Variants in COL15A1 observed in about 807,000 individuals in gnomAD.
COL15A1 encodes collagen alpha-1(XV) chain.
Under a neutral mutation model 165.9 loss-of-function variants are expected in COL15A1, and 111 were observed. The observed-to-expected ratio is 0.67, with a 90% confidence interval of 0.57 to 0.78. The LOEUF is 0.78. Among genes scored for constraint, COL15A1 ranks in the 30% least tolerant of loss-of-function variants. The probability of loss-of-function intolerance (pLI) is 0.00; values close to 1 mark genes in which losing one functional copy is unlikely to be tolerated. For missense variants in COL15A1, 1,745 were observed against 1,789.7 expected (o/e 0.98, Z 0.45); for synonymous variants, 659 against 674.8 (o/e 0.98, Z 0.36).
At chr9:99,027,401 G>T (rs140074772) in intron 16 of COL15A1, among the ~76,000 whole-genome samples, 21 of 152,268 alleles carry the variant, frequency 1.4e-4, no homozygotes, top group African/African-American at 4.8e-4. Flanking sequence ...AATTTTCGTG[G>T]AAAGCTTATT....
Position 98,954,202 on chromosome 9 carries a change from G to T in COL15A1, c.100+9952G>T, listed in dbSNP as rs778040658. Among the ~76,000 whole-genome samples the T allele has an allele frequency of 2.6e-4, 38 of 146,276 alleles. No individual in the cohort carries two copies. In the Admixed American group the frequency reaches 2.7e-3, roughly 10 times the overall value. ...AGGCAGAGGGATGTGAGAAGTGTTT[G>T]TAAGAGATTCATTTTTTTCAATAAA... On this transcript the variant is annotated intron_variant, in intron 2 of 41. Coordinates refer to ENST00000375001, the MANE Select transcript of COL15A1 (RefSeq NM_001855.5).
chr9:98,962,017 A>G (rs1445976269), intron 2 of COL15A1, among the ~76,000 whole-genome samples: 5 of 152,228 alleles, frequency 3.3e-5, no homozygotes, highest in Admixed American at 3.3e-4. Context: ...GAAGGTTTCT[A>G]ACAATTGCTG....
In COL15A1 at chr9:99,038,799, G is replaced by C. The variant is rs904021070; in HGVS notation, c.2475+66G>C. On this transcript the variant is annotated intron_variant, in intron 22 of 41. Coordinates refer to ENST00000375001, the MANE Select transcript of COL15A1 (RefSeq NM_001855.5). ...GACGCCCCTGTTGAAACAAAGTCGGGTTACTTTGGAATCCTTTTAGCTCCT... is the reference window on the plus strand; with the variant it reads ...GACGCCCCTGTTGAAACAAAGTCGGCTTACTTTGGAATCCTTTTAGCTCCT... 6 of 954,552 alleles carry C rather than the reference G, an allele frequency of 6.3e-6. No individual in the cohort carries two copies. In the African/African-American group the frequency reaches 9.7e-5, roughly 15 times the overall value. The allele number at this position is 954,552 out of a possible 1,614,324, so 59.1% of individuals were successfully genotyped here.
intron 21 of COL15A1, among the ~76,000 whole-genome samples, chr9:99,037,419 G>A (rs956480301): frequency 1.6e-4 from 24 of 152,250 alleles, no homozygotes; most frequent in African/African-American, 5.8e-4. Flanking sequence ...TAGGCTCTGT[G>A]GGTATAAAGA....
chr9:98,946,122 C>A (rs1031031301), intron 2 of COL15A1, among the ~76,000 whole-genome samples: 23 of 152,186 alleles, frequency 1.5e-4, no homozygotes, highest in Non-Finnish European at 1.3e-4. Flanking sequence ...ATTTAATATC[C>A]CTAATACTTA....
intron 11 of COL15A1, among the ~76,000 whole-genome samples, chr9:99,018,619 A>G (rs1018113864): frequency 1.3e-5 from 2 of 152,246 alleles, no homozygotes; most frequent in Non-Finnish European, 2.9e-5. Flanking sequence ...GGCATAATTT[A>G]ATTAGCCAAC....
intron 16 of COL15A1, among the ~76,000 whole-genome samples, chr9:99,031,906 C>A (rs1362668879): frequency 1.3e-5 from 2 of 152,126 alleles, no homozygotes; most frequent in Non-Finnish European, 2.9e-5. Flanking sequence ...AGATGGCAAA[C>A]TTTCTGAGAC....
intron 35 of COL15A1, among the ~76,000 whole-genome samples, chr9:99,058,233 A>G (rs1236846362): frequency 6.6e-6 from 1 of 152,204 alleles, no homozygotes; most frequent in Non-Finnish European, 1.5e-5. Flanking sequence ...AAGTCCTGGG[A>G]TGGGGAAGTC....
At chr9:99,068,072 T>C (rs1825924229) in intron 40 of COL15A1, among the ~76,000 whole-genome samples, 1 of 152,222 alleles carries the variant, frequency 6.6e-6, no homozygotes, top group Admixed American at 6.5e-5. Flanking sequence ...GGATGGATTA[T>C]AAAATCAAAC....
chr9:99,052,521 A>G, intron 31 of COL15A1, 88 bp downstream of exon 31: 2 of 1,096,284 alleles, frequency 1.8e-6, no homozygotes, highest in Non-Finnish European at 2.8e-6. Context: ...GGCGCAGACT[A>G]GGTGGTCAGG....
intron 2 of COL15A1, among the ~76,000 whole-genome samples, chr9:98,978,147 G>C (rs949696811): frequency 1.3e-5 from 2 of 152,300 alleles, no homozygotes; most frequent in African/African-American, 4.8e-5. Context: ...TCCCTGTCTA[G>C]AAAACAAGGA....
chr9:98,996,283 A>C (rs770597841), intron 5 of COL15A1, among the ~76,000 whole-genome samples: 12 of 152,306 alleles, frequency 7.9e-5, no homozygotes, highest in Non-Finnish European at 1.8e-4. Context: ...GAATGCTGAC[A>C]AGCGCTGGGT....
rs1838920303 is a variant in COL15A1 at position 99,015,659 on chromosome 9, T to C, written c.1503+93T>C. On this transcript the variant is annotated intron_variant, in intron 10 of 41. Transcript: ENST00000375001. ...CATCCTTGGCCTTGGCAGGGGCACC[T>C]GTAGCTTGGTTATGAGCACATGTCT... The C allele has an allele frequency of 2.4e-6, 3 of 1,237,374 alleles. No homozygotes were observed. The South Asian group carries it at 4.1e-5, about 17-fold the overall frequency. 76.6% of individuals were successfully genotyped at this position (1,237,374 alleles called of 1,614,324 possible).
intron 26 of COL15A1, among the ~76,000 whole-genome samples, chr9:99,045,333 GT>G (rs1839476056): frequency 6.6e-6 from 1 of 152,162 alleles, no homozygotes; most frequent in South Asian, 2.1e-4. Flanking sequence ...TTTGATTCTG[GT>G]TGTGAATATG....
chr9:98,975,136 C>A (rs117027378), intron 2 of COL15A1, among the ~76,000 whole-genome samples: 3 of 152,256 alleles, frequency 2.0e-5, no homozygotes, highest in African/African-American at 7.2e-5. Flanking sequence ...CAGCCTCCCT[C>A]GCGCCTCCGT....
chr9:98,986,638 A>G (rs1177263145), intron 3 of COL15A1, among the ~76,000 whole-genome samples: 1 of 152,240 alleles, frequency 6.6e-6, no homozygotes, highest in Non-Finnish European at 1.5e-5. Context: ...ATGGGCTTTT[A>G]TGAATAAGGC....
intron 16 of COL15A1, among the ~76,000 whole-genome samples, 194 bp downstream of exon 16, chr9:99,026,160 C>T (rs1314382205): frequency 6.6e-6 from 1 of 152,190 alleles, no homozygotes; most frequent in Non-Finnish European, 1.5e-5. Flanking sequence ...ACCTTCCCTG[C>T]CCACTCTTGT....
At position 99,015,499 on chromosome 9, in the gene COL15A1, G is replaced by A. The variant is rs767034635; in HGVS notation, c.1436G>A (p.Ser479Asn). Residue 479 changes from serine (S) to asparagine (N), a missense_variant, in exon 10 of 42, where the codon AGT (serine) becomes AAT (asparagine). Physicochemically the swap from Ser to Asn is conservative, Grantham distance 46. Transcript: ENST00000375001. The part of the protein sequence containing the change: ...SLSTFEDEEA[S>N]GVPTDGLAPL... ...AGTACTTTTGAGGATGAGGAAGCCA[G>A]TGGGGTCCCCACAGATGGCCTGGCT... 6.2e-7 allele frequency: 1 copy of A among 1,613,570 alleles called. No individual in the cohort carries two copies. Among genetic ancestry groups the A allele is most frequent in the Non-Finnish European group, 8.5e-7 (1 of 1,179,760 alleles).
intron 2 of COL15A1, among the ~76,000 whole-genome samples, chr9:98,983,001 C>T (rs1838254727): frequency 6.6e-6 from 1 of 152,276 alleles, no homozygotes; most frequent in South Asian, 2.1e-4. Context: ...CTTTAATCCT[C>T]ACAACAACGC....
Sources: gnomAD v4.1 joint callset for allele counts (sites outside exome capture counted in the v4.1 genomes callset) on GRCh38, gnomAD v4.1.1 for gene constraint, MANE v1.5 for transcripts, NCBI Gene and HGNC (gene_info 2026-07-23, HGNC 2026-07-21) for gene names.